VIRMA: variants seen among roughly 807,000 people sequenced by gnomAD.
The protein encoded by VIRMA is vir like m6A methyltransferase associated.
VIRMA carries 65 observed loss-of-function variants against 182.4 expected under a neutral mutation model. That is an observed-to-expected ratio of 0.36 (90% CI 0.29 to 0.44). The LOEUF (loss-of-function observed/expected upper bound fraction) is 0.44, where lower values mean the gene tolerates loss of function less well. Among genes scored for constraint, VIRMA ranks in the 20% least tolerant of loss-of-function variants. VIRMA has a pLI of 1.00. For missense variants in VIRMA, 1,752 were observed against 2,158.1 expected, an observed-to-expected ratio of 0.81 and a Z score of 3.73; for synonymous variants, 709 against 743.1, an observed-to-expected ratio of 0.95 and a Z score of 0.75.
chr8:94,500,949 A>C (rs949113167), intron 16 of VIRMA, among the ~76,000 whole-genome samples: 1 of 152,064 alleles, frequency 6.6e-6, no homozygotes, highest in Non-Finnish European at 1.5e-5. Flanking sequence ...ATAATTTTTT[A>C]AAAAATCAAC....
At chr8:94,491,981 C>A in intron 21 of VIRMA, 72 bp from the exon 22 acceptor site, 1 of 1,204,008 alleles carries the variant, frequency 8.3e-7, no homozygotes. Context: ...TTATAATACC[C>A]AAAATTATAT....
chr8:94,513,872 A>C lies in VIRMA; in HGVS notation c.2751+997T>G, dbSNP rs568403055. ...AGGCTCAGAGTAAGAACACGGAAGAATATGATGGCACCATAGGAAGTAAAA... is the reference window on the plus strand; with the variant it reads ...AGGCTCAGAGTAAGAACACGGAAGACTATGATGGCACCATAGGAAGTAAAA... On this transcript the variant is annotated intron_variant, in intron 11 of 23. Coordinates refer to ENST00000297591, the MANE Select transcript of VIRMA (RefSeq NM_015496.5). 5.3e-5 allele frequency among the ~76,000 whole-genome samples: 8 copies of C among 152,352 alleles called. No homozygotes were observed. In the East Asian group the frequency reaches 1.3e-3, roughly 26 times the overall value.
At chr8:94,542,214 C>T (rs1815579648) in intron 2 of VIRMA, among the ~76,000 whole-genome samples, 1 of 152,194 alleles carries the variant, frequency 6.6e-6, no homozygotes, top group African/African-American at 2.4e-5. Flanking sequence ...TAATATGTCA[C>T]CTTCTGATAT....
chr8:94,499,811 G>A (rs370961268), intron 16 of VIRMA, among the ~76,000 whole-genome samples: 18 of 152,090 alleles, frequency 1.2e-4, no homozygotes, highest in African/African-American at 3.9e-4. Context: ...TTGGGAGGCC[G>A]AAGGTGGTGG....
intron 8 of VIRMA, among the ~76,000 whole-genome samples, chr8:94,520,473 CTAGGT>C (rs1814722940): frequency 6.6e-6 from 1 of 151,804 alleles, no homozygotes; most frequent in African/African-American, 2.4e-5. Context: ...CCAGCCTGGG[CTAGGT>C]GAAAGAGCAA....
intron 5 of VIRMA, chr8:94,533,645 G>T (rs1010823683): frequency 6.8e-6 from 1 of 148,076 alleles, no homozygotes; most frequent in East Asian, 2.0e-4. Flanking sequence ...GGAGGGGCAG[G>T]TTCTCCCTAT....
intron 2 of VIRMA, among the ~76,000 whole-genome samples, chr8:94,539,170 G>C (rs1412668977): frequency 6.6e-6 from 1 of 151,916 alleles, no homozygotes; most frequent in African/African-American, 2.4e-5. Context: ...GCCTCCCAAA[G>C]TGCTGGGACT....
chr8:94,510,329 C>G (rs975271061), intron 14 of VIRMA, 88 bp downstream of exon 14: 10 of 1,005,498 alleles, frequency 9.9e-6, no homozygotes, highest in Non-Finnish European at 1.5e-5. Context: ...TCTGGGCATT[C>G]CAAACCCTAG....
chr8:94,545,678 G>T (rs1815732670), intron 1 of VIRMA, among the ~76,000 whole-genome samples: 1 of 152,136 alleles, frequency 6.6e-6, no homozygotes, highest in Non-Finnish European at 1.5e-5. Context: ...ATTCAGAGGG[G>T]TATTTAGGTC....
At chr8:94,552,371 A>G (rs1227985087) in intron 1 of VIRMA, among the ~76,000 whole-genome samples, 1 of 152,228 alleles carries the variant, frequency 6.6e-6, no homozygotes, top group Non-Finnish European at 1.5e-5. Context: ...CCATTCAAAT[A>G]TTTATTGAGC....
intron 5 of VIRMA, among the ~76,000 whole-genome samples, chr8:94,533,022 T>C (rs981139207): frequency 6.6e-6 from 1 of 152,048 alleles, no homozygotes; most frequent in African/African-American, 2.4e-5. Flanking sequence ...CACATGTATA[T>C]ATATGTGCTT....
rs1814302359 is a variant in VIRMA at position 94,509,843 on chromosome 8, T to C, written c.3724A>G (p.Ile1242Val). The C allele has an allele frequency of 1.2e-6, 2 of 1,613,882 alleles. No homozygotes were observed. The highest frequency in any genetic ancestry group is 1.3e-5 in the African/African-American group (1 of 75,052). Residue 1242 changes from isoleucine (I) to valine (V), a missense_variant, in exon 15 of 24, where the codon ATT becomes GTT. Coordinates refer to ENST00000297591, the MANE Select transcript of VIRMA (RefSeq NM_015496.5). The part of the protein sequence containing the change: ...LASHKACKLA[I>V]LHLINGTIKG... ...ATAGTTCCATTAATTAGATGCAAAA[T>C]AGCTAATTTACAAGCTTTGTGTGAA...
chr8:94,543,581 T>TA (rs1334719366), intron 2 of VIRMA, among the ~76,000 whole-genome samples: 3,901 of 148,042 alleles, frequency 0.026, 173 homozygotes, highest in African/African-American at 0.091. Flanking sequence ...CACCATCAGT[T>TA]AAAAAAAAAA....
chr8:94,510,940 A>G, intron 13 of VIRMA: 1 of 1,297,294 alleles, frequency 7.7e-7, no homozygotes. Flanking sequence ...AATAACAGAA[A>G]AATGTAAGTA....
rs1192961444 is a variant in VIRMA, at chr8:94,492,524, G to A, written c.4808+128C>T. Reference sequence around the variant, plus strand: ...AGAATGGTCTCGATCTCCTGACCTCGGCCTCCCAAAATGCTGGGATTACAG... The same window carrying A: ...AGAATGGTCTCGATCTCCTGACCTCAGCCTCCCAAAATGCTGGGATTACAG... On this transcript the variant is annotated intron_variant, in intron 21 of 23. Coordinates refer to ENST00000297591, the MANE Select transcript of VIRMA (RefSeq NM_015496.5). 1.5e-5 allele frequency: 9 copies of A among 617,314 alleles called. No homozygotes were observed. In the South Asian group the frequency reaches 1.5e-4, roughly 10 times the overall value. The allele number at this position is 617,314 out of a possible 1,614,324, so 38.2% of individuals were successfully genotyped here.
chr8:94,496,116 C>G lies in VIRMA; in HGVS notation c.4383+212G>C, dbSNP rs375193116. ...GGGTACCCTGCTTCCAAGGAACAGA[C>G]AATTCAAAAAGTACCGTCTTCATGT... On this transcript the variant is annotated intron_variant, in intron 18 of 23. Transcript: ENST00000297591. 3.3e-5 allele frequency: 20 copies of G among 614,578 alleles called. No homozygotes were observed. In the African/African-American group the frequency reaches 3.7e-4, roughly 11 times the overall value. 38.1% of individuals were successfully genotyped at this position (614,578 alleles called of 1,614,324 possible).
At position 94,526,223 on chromosome 8, in the gene VIRMA, C is replaced by A; in HGVS notation, c.2021G>T (p.Arg674Ile). The change falls in exon 8 of 24, where the codon AGA becomes ATA. Residue 674 changes from arginine to isoleucine, a missense_variant and splice_region_variant. Around this residue, in one of 11 missense-constraint regions of VIRMA, gnomAD observed 401 missense variants for 455.1 expected, o/e 0.88. Transcript: ENST00000297591. ...ERDDPYPVLF[R>I]YLHSHHFLEL... Reference sequence around the variant, plus strand: ...TTCCCAAAAGGCAAACATGTCTTACCTAAAGAGAACAGGGTATGGATCATC... The same window carrying A: ...TTCCCAAAAGGCAAACATGTCTTACATAAAGAGAACAGGGTATGGATCATC... 6.3e-7 allele frequency: 1 copy of A among 1,578,580 alleles called. No homozygotes were observed.
chr8:94,537,173 A>G, intron 3 of VIRMA, 22 bp from the exon 4 acceptor site: 1 of 1,501,294 alleles, frequency 6.7e-7, no homozygotes, highest in Non-Finnish European at 9.3e-7. Flanking sequence ...GTAGAAATAA[A>G]TATGTAAGCT....
chr8:94,489,393 G>C (rs1265054480), intron 23 of VIRMA, among the ~76,000 whole-genome samples: 1 of 152,238 alleles, frequency 6.6e-6, no homozygotes, highest in Non-Finnish European at 1.5e-5. Context: ...ATTCATTCAA[G>C]GATATAAACT....
Sources: gnomAD v4.1 joint callset for allele counts (sites outside exome capture counted in the v4.1 genomes callset) on GRCh38, gnomAD v4.1.1 for gene constraint, gnomAD v4.1.1 regional missense constraint, MANE v1.5 for transcripts, NCBI Gene and HGNC (gene_info 2026-07-23, HGNC 2026-07-21) for gene names.